ARHGEF12: variants seen among roughly 807,000 people sequenced by gnomAD.
ARHGEF12 encodes KMT2A/ARHGEF12 fusion protein.
Under a neutral mutation model 211.2 loss-of-function variants are expected in ARHGEF12, and 66 were observed. The ratio of observed to expected loss-of-function variants is 0.31; its 90% CI spans 0.26 to 0.38. The LOEUF (loss-of-function observed/expected upper bound fraction) is 0.38, where lower values mean the gene tolerates loss of function less well. ARHGEF12 is among the 10% of genes least tolerant of loss of function. The pLI is 1.00. For missense variants in ARHGEF12, 1,429 were observed against 1,869.5 expected, an observed-to-expected ratio of 0.76 and a Z score of 4.34; for synonymous variants, 592 against 638.4, an observed-to-expected ratio of 0.93 and a Z score of 1.09.
intron 1 of ARHGEF12, among the ~76,000 whole-genome samples, chr11:120,375,527 G>T (rs1382604779): frequency 6.8e-6 from 1 of 147,370 alleles, no homozygotes; most frequent in East Asian, 2.0e-4. Context: ...TACCTGTAGT[G>T]TTCCAAGTTC....
chr11:120,481,539 A>C lies in ARHGEF12; in HGVS notation c.4517A>C (p.Tyr1506Ser). The stretch of plus-strand genomic sequence containing the variant: ...GATTCACAGAGCCAGATCATGGAGT[A>C]CATTCATAAGATAGAGGCTGACCTT... ...CADSQSQIME[Y>S]IHKIEADLEH... The change falls in exon 39 of 41, where the codon TAC (tyrosine) becomes TCC (serine). Residue 1506 changes from tyrosine (Y) to serine (S), a missense_variant. Tyr to Ser is a moderately radical substitution (Grantham distance 144). Around this residue, in one of 7 missense-constraint regions of ARHGEF12, gnomAD observed 467 missense variants for 468.4 expected, o/e 1.00. Transcript: ENST00000397843. 1 of 1,614,224 alleles carries C rather than the reference A, an allele frequency of 6.2e-7. No homozygotes were observed. Among genetic ancestry groups the C allele is most frequent in the South Asian group, 1.1e-5 (1 of 91,084 alleles).
At chr11:120,441,345 A>G (rs1279573303) in intron 13 of ARHGEF12, among the ~76,000 whole-genome samples, 4 of 152,202 alleles carry the variant, frequency 2.6e-5, no homozygotes, top group Admixed American at 1.3e-4. Context: ...CAATTAGCCC[A>G]GAAGAAAAGG....
At chr11:120,401,367 G>A (rs58258510) in intron 1 of ARHGEF12, among the ~76,000 whole-genome samples, 61 of 152,302 alleles carry the variant, frequency 4.0e-4, no homozygotes, top group African/African-American at 1.4e-3. Flanking sequence ...AGCACTATGT[G>A]CTAAATCCCT....
chr11:120,429,539 T>C, intron 9 of ARHGEF12, 22 bp downstream of exon 9: 1 of 1,608,874 alleles, frequency 6.2e-7, no homozygotes, highest in South Asian at 1.1e-5. Context: ...GAAGTAGGGC[T>C]GTTTACAGGC....
chr11:120,445,365 T>C (rs1946012673), intron 15 of ARHGEF12, 57 bp from the exon 16 acceptor site: 20 of 1,558,714 alleles, frequency 1.3e-5, no homozygotes, highest in East Asian at 6.7e-5. Context: ...GAAGTACTTA[T>C]GTACATCTTC....
chr11:120,337,461 A>G (rs927356310), intron 1 of ARHGEF12, 186 bp downstream of exon 1: 8 of 985,182 alleles, frequency 8.1e-6, no homozygotes, highest in East Asian at 1.1e-4. Flanking sequence ...TTGGAAATGT[A>G]ATTTTTCCGG....
chr11:120,475,259 C>T (rs1946994330), intron 32 of ARHGEF12, 81 bp from the exon 33 acceptor site: 7 of 1,270,452 alleles, frequency 5.5e-6, no homozygotes, highest in Non-Finnish European at 4.4e-6. Flanking sequence ...AAATAGAATT[C>T]CTCTGTTGAA....
At position 120,429,777 on chromosome 11, in the gene ARHGEF12, G is replaced by T; in HGVS notation, c.729G>T (p.Lys243Asn). 5.0e-6 allele frequency: 8 copies of T among 1,613,874 alleles called. No homozygotes were observed. The highest frequency in any genetic ancestry group is 6.8e-6 in the Non-Finnish European group (8 of 1,179,848). Residue 243 changes from lysine to asparagine, a missense_variant, in exon 10 of 41, where the codon AAG becomes AAT. This residue lies in a region of ARHGEF12 where 254 missense variants were observed against 286.4 expected (regional missense o/e 0.89). Transcript: ENST00000397843. Reference sequence around the variant, plus strand: ...TGCTAAAAGAGATCCAAGAGGCCAAGAAACACATTCCTCAGCTGCAAGAGC... The same window carrying T: ...TGCTAAAAGAGATCCAAGAGGCCAATAAACACATTCCTCAGCTGCAAGAGC... ...QRLLKEIQEAKKHIPQLQEQL... is the reference protein window; with the variant it reads ...QRLLKEIQEANKHIPQLQEQL...
At position 120,473,211 on chromosome 11, in the gene ARHGEF12, A is replaced by G. The variant is rs574507113; in HGVS notation, c.3033+84A>G. Reference sequence around the variant, plus strand: ...AGGTAATTAACATCTCAGTGGGAATATACGTCACCTGAAGGAGTTCTTGTA... The same window carrying G: ...AGGTAATTAACATCTCAGTGGGAATGTACGTCACCTGAAGGAGTTCTTGTA... On this transcript the variant is annotated intron_variant, in intron 31 of 40. Transcript: ENST00000397843. 4.6e-4 allele frequency: 560 copies of G among 1,207,628 alleles called. 1 individual carries two copies. Among genetic ancestry groups the G allele is most frequent in the Admixed American group, 6.3e-4 (35 of 55,326 alleles). 74.8% of individuals were successfully genotyped at this position (1,207,628 alleles called of 1,614,324 possible).
At position 120,486,309 on chromosome 11, in the gene ARHGEF12, T is replaced by A. The variant is rs561535460; in HGVS notation, c.*1232T>A. 4.3e-6 allele frequency: 1 copy of A among 233,252 alleles called. No individual in the cohort carries two copies. Among genetic ancestry groups the A allele is most frequent in the African/African-American group, 2.2e-5 (1 of 45,330 alleles). 14.4% of individuals were successfully genotyped at this position (233,252 alleles called of 1,614,324 possible). ...GAAAAAGATATGGTGAAGGCAGAAC[T>A]GCTCACACCAGCTCCAGAAGCACGT... is the stretch of plus-strand genomic sequence containing the variant. On this transcript the variant is annotated 3_prime_UTR_variant, in exon 41 of 41. Coordinates refer to ENST00000397843, the MANE Select transcript of ARHGEF12 (RefSeq NM_015313.3).
At chr11:120,389,755 A>G (rs1944156266) in intron 1 of ARHGEF12, among the ~76,000 whole-genome samples, 1 of 152,154 alleles carries the variant, frequency 6.6e-6, no homozygotes, top group Non-Finnish European at 1.5e-5. Context: ...TTTAGCTTCC[A>G]CAAATGAGTG....
intron 1 of ARHGEF12, among the ~76,000 whole-genome samples, chr11:120,364,222 C>CA (rs1189789391): frequency 6.6e-6 from 1 of 151,460 alleles, no homozygotes; most frequent in Non-Finnish European, 1.5e-5. Flanking sequence ...GGGCACCAAA[C>CA]AAAAAAAAAT....
chr11:120,437,272 A>T, intron 11 of ARHGEF12, 36 bp from the exon 12 acceptor site: 1 of 1,490,086 alleles, frequency 6.7e-7, no homozygotes, highest in Non-Finnish European at 9.2e-7. Context: ...TGGTGTGCCT[A>T]TTGAAATGAA....
rs757106003 is a variant in ARHGEF12, at chr11:120,488,390, ACAGT to A, written c.*3317_*3320del. ...CAAAATACAAAATTAGCAGGGCCTCACAGTCAGCTTCCTCATGGCTAGTTTTTCC... is the reference window on the plus strand; with the variant it reads ...CAAAATACAAAATTAGCAGGGCCTCACAGCTTCCTCATGGCTAGTTTTTCC... On this transcript the variant is annotated 3_prime_UTR_variant, in exon 41 of 41. Coordinates refer to ENST00000397843, the MANE Select transcript of ARHGEF12 (RefSeq NM_015313.3). 31 of 216,188 alleles carry A rather than the reference ACAGT, an allele frequency of 1.4e-4. No individual in the cohort carries two copies. Among genetic ancestry groups the A allele is most frequent in the Admixed American group, 6.4e-4 (11 of 17,202 alleles). 13.4% of individuals were successfully genotyped at this position (216,188 alleles called of 1,614,324 possible).
intron 1 of ARHGEF12, among the ~76,000 whole-genome samples, chr11:120,365,298 G>A (rs920811807): frequency 6.6e-6 from 1 of 152,026 alleles, no homozygotes; most frequent in African/African-American, 2.4e-5. Context: ...AACTGTGCTG[G>A]TAAGCTGATA....
At chr11:120,475,144 T>C (rs1946991328) in intron 32 of ARHGEF12, among the ~76,000 whole-genome samples, 196 bp from the exon 33 acceptor site, 1 of 152,116 alleles carries the variant, frequency 6.6e-6, no homozygotes, top group African/African-American at 2.4e-5. Context: ...TTCCTATTGG[T>C]CACAGACTGA....
At chr11:120,362,205 C>T (rs955644689) in intron 1 of ARHGEF12, among the ~76,000 whole-genome samples, 2 of 152,044 alleles carry the variant, frequency 1.3e-5, no homozygotes, top group Non-Finnish European at 2.9e-5. Flanking sequence ...ATTCTAAAGT[C>T]CTGTAATGTT....
rs76010295 is a variant in ARHGEF12, at chr11:120,414,449, G to A, written c.199+4999G>A. On this transcript the variant is annotated intron_variant, in intron 4 of 40. Coordinates refer to ENST00000397843, the MANE Select transcript of ARHGEF12 (RefSeq NM_015313.3). ...GTATTTTATTTAAAATTTCCTTTGTGTATAAAATTCAAATTTATTTAATAA... is the reference window on the plus strand; with the variant it reads ...GTATTTTATTTAAAATTTCCTTTGTATATAAAATTCAAATTTATTTAATAA... Among the ~76,000 whole-genome samples, 1,368 of 152,042 alleles carry A rather than the reference G, an allele frequency of 9.0e-3. 25 individuals carry two copies. Among genetic ancestry groups the A allele is most frequent in the African/African-American group, 0.031 (1,291 of 41,450 alleles).
rs528678579 is a variant in ARHGEF12 at position 120,437,333 on chromosome 11, G to A, written c.950G>A (p.Arg317Lys). ...AGTCCCAAGAGTGGCCCAAAAGAGA[G>A]AATTTATCTAGAGGAAAACCCAGAG... ...ADSPKSGPKE[R>K]IYLEENPEKS... is the part of the protein sequence containing the mutation. The change falls in exon 12 of 41, where the codon AGA becomes AAA. Residue 317 changes from arginine (R) to lysine (K), a missense_variant. Around this residue, in one of 7 missense-constraint regions of ARHGEF12, gnomAD observed 254 missense variants for 286.4 expected, o/e 0.89. Coordinates refer to ENST00000397843, the MANE Select transcript of ARHGEF12 (RefSeq NM_015313.3). The A allele has an allele frequency of 8.7e-6, 14 of 1,612,566 alleles. No homozygotes were observed. In the Admixed American group the frequency reaches 1.0e-4, roughly 12 times the overall value.
Sources: gnomAD v4.1 joint callset for allele counts (sites outside exome capture counted in the v4.1 genomes callset) on GRCh38, gnomAD v4.1.1 for gene constraint, gnomAD v4.1.1 regional missense constraint, MANE v1.5 for transcripts, NCBI Gene and HGNC (gene_info 2026-07-23, HGNC 2026-07-21) for gene names.